Variants in ALLC observed in about 807,000 individuals in gnomAD.
ALLC encodes the protein allantoicase, also known as probable inactive allantoicase.
In ALLC, 40 loss-of-function variants were observed where a neutral mutation model predicts 45.0. That is an observed-to-expected ratio of 0.89 (90% CI 0.69 to 1.16). The LOEUF (loss-of-function observed/expected upper bound fraction) is 1.16, where lower values mean the gene tolerates loss of function less well. Ranked by LOEUF, ALLC falls within the 50% of genes most tolerant of loss-of-function variation. ALLC has a pLI of 0.00. For missense variants in ALLC, 488 were observed against 493.1 expected (o/e 0.99, Z 0.10); for synonymous variants, 176 against 178.1 (o/e 0.99, Z 0.09).
intron 6 of ALLC, among the ~76,000 whole-genome samples, chr2:3,681,963 C>T (rs116510413): frequency 0.012 from 1,811 of 152,180 alleles, 44 homozygotes; most frequent in African/African-American, 0.04. Context: ...CTGCTGGCCC[C>T]GATAAGCACA....
chr2:3,697,380 T>C lies in ALLC; in HGVS notation c.774T>C (p.Gly258=). 3 of 1,613,930 alleles carry C rather than the reference T, an allele frequency of 1.9e-6. No homozygotes were observed. The highest frequency in any genetic ancestry group is 2.5e-6 in the Non-Finnish European group (3 of 1,179,844). ...AGAATGGCATTCTCTTGGTTCCGGGTTGTGAATGGGCAGTTTTCCGATTGG... is the reference window on the plus strand; with the variant it reads ...AGAATGGCATTCTCTTGGTTCCGGGCTGTGAATGGGCAGTTTTCCGATTGG... ...NDENGILLVP[G]CEWAVFRLAH... is the part of the protein sequence containing the mutation. Residue 258 remains glycine (G), a synonymous_variant, in exon 10 of 12, where the codon GGT becomes GGC. Coordinates refer to ENST00000252505, the MANE Select transcript of ALLC (RefSeq NM_018436.4).
At chr2:3,656,352 C>T (rs2147987716), upstream of ALLC, among the ~76,000 whole-genome samples, 1 of 152,374 alleles carries the variant, frequency 6.6e-6, no homozygotes, top group East Asian at 1.9e-4. Flanking sequence ...GACCACCTCT[C>T]TGCCAGCTCT....
In ALLC at chr2:3,682,953, C is replaced by T. The variant is rs201690293; in HGVS notation, c.390C>T (p.Asp130=). The T allele has an allele frequency of 6.2e-7, 1 of 1,612,464 alleles. No homozygotes were observed. Among genetic ancestry groups the T allele is most frequent in the Non-Finnish European group, 8.5e-7 (1 of 1,179,556 alleles). ...ATATTTATTGCTAGCTAAAATCCGA[C>T]GACTGGAGTTACTTGGTTCCCATGA... ...EFEAIAELKS[D]DWSYLVPMTE... is the part of the protein sequence containing the mutation. Residue 130 remains aspartate (D), a synonymous_variant, in exon 7 of 12, where the codon GAC becomes GAT. Coordinates refer to ENST00000252505, the MANE Select transcript of ALLC (RefSeq NM_018436.4).
chr2:3,652,246 G>A, the ALLC span, among the ~76,000 whole-genome samples: 1 of 152,226 alleles, frequency 6.6e-6, no homozygotes, highest in Non-Finnish European at 1.5e-5. Flanking sequence ...TGTTGCTATG[G>A]AAGCGGCTGT....
At chr2:3,668,566 C>CTTTTTTTTTTTTTTTTTT (rs1173613810) in intron 1 of ALLC, among the ~76,000 whole-genome samples, 1 of 71,886 alleles carries the variant, frequency 1.4e-5, no homozygotes, top group African/African-American at 7.3e-5. Flanking sequence ...ATGTGTATGA[C>CTTTTTTTTTTTTTTTTTT]TTTTTTTTTT....
intron 1 of ALLC, among the ~76,000 whole-genome samples, chr2:3,659,469 T>G (rs1666517030): frequency 6.6e-6 from 1 of 152,160 alleles, no homozygotes; most frequent in Non-Finnish European, 1.5e-5. Context: ...TGACCCTGGG[T>G]CTGGTCTCAG....
chr2:3,697,367 T>C lies in ALLC; in HGVS notation c.761T>C (p.Leu254Pro). Residue 254 changes from leucine to proline, a missense_variant, in exon 10 of 12, where the codon CTC (leucine) becomes CCC (proline). Leu to Pro is a moderately conservative substitution (Grantham distance 98). Coordinates refer to ENST00000252505, the MANE Select transcript of ALLC (RefSeq NM_018436.4). ...TTCCAGAATGATGAGAATGGCATTCTCTTGGTTCCGGGTTGTGAATGGGCA... is the reference window on the plus strand; with the variant it reads ...TTCCAGAATGATGAGAATGGCATTCCCTTGGTTCCGGGTTGTGAATGGGCA... ...PILENDENGILLVPGCEWAVF... is the reference protein window; with the variant it reads ...PILENDENGIPLVPGCEWAVF... 2 of 1,613,910 alleles carry C rather than the reference T, an allele frequency of 1.2e-6. 1 individual carries two copies. The highest frequency in any genetic ancestry group is 2.2e-5 in the South Asian group (2 of 91,072).
At chr2:3,656,251 CCT>C (rs1336345814), upstream of ALLC, among the ~76,000 whole-genome samples, 2 of 152,236 alleles carry the variant, frequency 1.3e-5, no homozygotes, top group Non-Finnish European at 2.9e-5. Flanking sequence ...CCATGAGAAT[CCT>C]CATGTCTTGG....
chr2:3,676,029 C>T (rs1266415321), intron 3 of ALLC, among the ~76,000 whole-genome samples: 4 of 152,238 alleles, frequency 2.6e-5, no homozygotes, highest in African/African-American at 9.6e-5. Context: ...CACATGGGCA[C>T]TCATCCCATC....
At chr2:3,652,292 G>C in the ALLC span, among the ~76,000 whole-genome samples, 1 of 152,240 alleles carries the variant, frequency 6.6e-6, no homozygotes, top group African/African-American at 2.4e-5. Flanking sequence ...TTCCTGTGCA[G>C]AGCCTGGGGG....
upstream of ALLC, among the ~76,000 whole-genome samples, chr2:3,654,891 C>T (rs911690603): frequency 2.0e-5 from 3 of 152,240 alleles, no homozygotes; most frequent in Admixed American, 6.5e-5. Context: ...GATAAAGAAG[C>T]GCTTTGCATT....
the ALLC span, among the ~76,000 whole-genome samples, chr2:3,648,758 C>T: frequency 2.0e-5 from 3 of 152,154 alleles, no homozygotes; most frequent in Admixed American, 6.5e-5. Flanking sequence ...GGCAGACGGC[C>T]GCCTCTTCCA....
chr2:3,697,664 TATC>T (rs1355330960), intron 10 of ALLC, among the ~76,000 whole-genome samples: 1 of 150,798 alleles, frequency 6.6e-6, no homozygotes, highest in Non-Finnish European at 1.5e-5. Context: ...TCTATCTATC[TATC>T]TTTTATTTAT....
At chr2:3,666,185 A>AG (rs1572506407) in intron 1 of ALLC, among the ~76,000 whole-genome samples, 1 of 152,290 alleles carries the variant, frequency 6.6e-6, no homozygotes, top group East Asian at 1.9e-4. Flanking sequence ...CTCCCACCAC[A>AG]GGGGGGTGGC....
intron 9 of ALLC, among the ~76,000 whole-genome samples, chr2:3,696,883 C>T (rs946389279): frequency 6.6e-6 from 1 of 152,216 alleles, no homozygotes; most frequent in African/African-American, 2.4e-5. Flanking sequence ...AAAGTGCCCT[C>T]CCCTTCCTAA....
chr2:3,651,521 T>A, the ALLC span, among the ~76,000 whole-genome samples: 1 of 151,480 alleles, frequency 6.6e-6, no homozygotes, highest in Non-Finnish European at 1.5e-5. Flanking sequence ...GGTGTCAGAC[T>A]CTTCAGAAAG....
At chr2:3,669,349 T>A (rs1019869853) in intron 1 of ALLC, among the ~76,000 whole-genome samples, 31 of 152,000 alleles carry the variant, frequency 2.0e-4, no homozygotes, top group Non-Finnish European at 4.0e-4. Flanking sequence ...TGGCAGGTTC[T>A]TGTAATCTCA....
the ALLC span, among the ~76,000 whole-genome samples, chr2:3,653,106 C>T: frequency 1.3e-5 from 2 of 152,294 alleles, no homozygotes; most frequent in African/African-American, 4.8e-5. This position sits in a 1 kb window ranked among gnomAD's most constrained non-coding sequence, Gnocchi z 4.1. Flanking sequence ...AACATGTCTG[C>T]AGGGTGGCAG....
the ALLC span, among the ~76,000 whole-genome samples, chr2:3,649,469 C>A: frequency 2.0e-5 from 3 of 152,210 alleles, no homozygotes; most frequent in Admixed American, 1.3e-4. Context: ...TCTCGATCTC[C>A]TGACCTCGTG....
Sources: allele counts gnomAD v4.1 joint callset (sites outside exome capture counted in the v4.1 genomes callset), GRCh38; gene constraint gnomAD v4.1.1; non-coding constraint Gnocchi (gnomAD v3.1); transcripts MANE v1.5; gene names NCBI Gene and HGNC (gene_info 2026-07-23, HGNC 2026-07-21).